Variants in TUSC3 observed in about 807,000 individuals in gnomAD.
The protein encoded by TUSC3 is dolichyl-diphosphooligosaccharide--protein glycosyltransferase subunit TUSC3.
A neutral mutation model predicts 44.8 loss-of-function variants in TUSC3; 45 were observed. That is an observed-to-expected ratio of 1.00 (90% CI 0.79 to 1.29). The LOEUF is 1.29. TUSC3 is among the 50% of genes most tolerant of loss of function. TUSC3 has a pLI of 0.00. For missense variants in TUSC3, 519 were observed against 437.9 expected (o/e 1.19, Z -1.65); for synonymous variants, 212 against 152.9 (o/e 1.39, Z -2.85).
intron 1 of TUSC3, among the ~76,000 whole-genome samples, chr8:15,547,680 G>C (rs999830802): frequency 4.1e-5 from 6 of 145,428 alleles, no homozygotes; most frequent in Non-Finnish European, 6.0e-5. Context: ...TGGGGCCTTT[G>C]GGAAGTGATA....
downstream of TUSC3, chr8:15,766,705 C>A (rs921566591): frequency 6.6e-6 from 1 of 152,094 alleles, no homozygotes; most frequent in Admixed American, 6.6e-5. Flanking sequence ...TTGTCAATTA[C>A]AATTCAGCAG....
At chr8:15,790,375 G>C in the TUSC3 span, among the ~76,000 whole-genome samples, 2 of 151,972 alleles carry the variant, frequency 1.3e-5, no homozygotes, top group South Asian at 2.1e-4. Flanking sequence ...AGTAGAGATA[G>C]GGTTTCACCA....
rs62504223 is a variant in TUSC3, at chr8:15,578,863, A to C, written c.138+38295A>C. 1.2e-4 allele frequency among the ~76,000 whole-genome samples: 18 copies of C among 151,680 alleles called. No homozygotes were observed. In the East Asian group the frequency reaches 1.6e-3, roughly 13 times the overall value. ...GTTAGGGAGGATTCCCTCTTTTTCT[A>C]TTGATTGGAATAGTTTCAGAAGGAA... On this transcript the variant is annotated intron_variant, in intron 1 of 10. Coordinates refer to ENST00000503731, the MANE Select transcript of TUSC3 (RefSeq NM_006765.4).
At chr8:15,528,543 G>T (rs1801407242) in intron 2 of TUSC3, among the ~76,000 whole-genome samples, 1 of 152,132 alleles carries the variant, frequency 6.6e-6, no homozygotes, top group Non-Finnish European at 1.5e-5. Flanking sequence ...ACTCATATCT[G>T]TCCAAGTTCA....
intron 1 of TUSC3, among the ~76,000 whole-genome samples, chr8:15,587,346 A>G (rs527977532): frequency 1.3e-5 from 2 of 152,300 alleles, no homozygotes; most frequent in East Asian, 3.9e-4. Flanking sequence ...TTAAGGCAGC[A>G]TTATAACATT....
At chr8:15,587,200 G>T (rs1803638466) in intron 1 of TUSC3, among the ~76,000 whole-genome samples, 1 of 152,140 alleles carries the variant, frequency 6.6e-6, no homozygotes, top group Admixed American at 6.5e-5. Context: ...ATATGGCACA[G>T]AACTGAAACT....
chr8:15,766,096 C>T lies in TUSC3; in HGVS notation c.*1940C>T, dbSNP rs1184823031. On this transcript the variant is annotated 3_prime_UTR_variant, in exon 11 of 11. Coordinates refer to ENST00000503731, the MANE Select transcript of TUSC3 (RefSeq NM_006765.4). ...ACTATACCATATTAGTAAAGGTTTTCTAGCTCTTATTTTCTAATTTCCTCT... is the reference window on the plus strand; with the variant it reads ...ACTATACCATATTAGTAAAGGTTTTTTAGCTCTTATTTTCTAATTTCCTCT... The T allele has an allele frequency of 7.1e-6, 1 of 140,108 alleles. No homozygotes were observed. Among genetic ancestry groups the T allele is most frequent in the Non-Finnish European group, 1.7e-5 (1 of 60,042 alleles). The allele number at this position is 140,108 out of a possible 1,614,324, so 8.7% of individuals were successfully genotyped here. A position where few individuals can be genotyped will look rare whatever the true frequency, so the allele number is the denominator to read the frequency against.
intron 9 of TUSC3, among the ~76,000 whole-genome samples, chr8:15,752,233 GGT>G (rs879717864): frequency 3.9e-5 from 6 of 151,938 alleles, no homozygotes; most frequent in Non-Finnish European, 8.8e-5. Flanking sequence ...AGGGGCTGAG[GGT>G]ATTTCATGAG....
chr8:15,502,914 A>G (rs1800987285), intron 2 of TUSC3, among the ~76,000 whole-genome samples: 1 of 152,174 alleles, frequency 6.6e-6, no homozygotes, highest in African/African-American at 2.4e-5. Context: ...TGTTTGACGA[A>G]GTCTTTATTC....
chr8:15,497,656 A>G (rs762188286), intron 2 of TUSC3, among the ~76,000 whole-genome samples: 2 of 152,162 alleles, frequency 1.3e-5, no homozygotes, highest in Non-Finnish European at 2.9e-5. Context: ...ATGAAGGAGG[A>G]CAGGTAGATT....
the TUSC3 span, among the ~76,000 whole-genome samples, chr8:15,823,621 G>C: frequency 6.6e-6 from 1 of 152,048 alleles, no homozygotes; most frequent in Non-Finnish European, 1.5e-5. Flanking sequence ...AAAATATCTA[G>C]AGTATAAAAT....
intron 1 of TUSC3, among the ~76,000 whole-genome samples, chr8:15,561,929 G>A (rs928824393): frequency 1.3e-4 from 20 of 152,150 alleles, no homozygotes; most frequent in African/African-American, 4.6e-4. Flanking sequence ...AGATGAACCC[G>A]GTACCTCAGA....
chr8:15,503,303 C>T lies in TUSC3; in HGVS notation n.189+19820C>T, dbSNP rs112871479. Among the ~76,000 whole-genome samples the T allele has an allele frequency of 1.3e-3, 198 of 152,246 alleles. 3 individuals are homozygous for T. Among genetic ancestry groups the T allele is most frequent in the African/African-American group, 4.6e-3 (192 of 41,544 alleles). On this transcript the variant is annotated intron_variant and non_coding_transcript_variant, in intron 2 of 5. Transcript: ENST00000503191. ...CCTCAGAAGAAACTAACCCTGCCGC[C>T]TCCTGTATCTTAGACTTGTAGGCTT...
chr8:15,717,768 A>G (rs1176524868), intron 6 of TUSC3, among the ~76,000 whole-genome samples: 1 of 152,090 alleles, frequency 6.6e-6, no homozygotes, highest in Non-Finnish European at 1.5e-5. Flanking sequence ...CAATTTTATT[A>G]ATTTGTGATC....
At chr8:15,524,582 G>A (rs948283434) in intron 2 of TUSC3, among the ~76,000 whole-genome samples, 14 of 152,284 alleles carry the variant, frequency 9.2e-5, no homozygotes, top group African/African-American at 3.1e-4. Context: ...GAGATTTAAA[G>A]TCTCAAAGAG....
At chr8:15,529,010 T>C (rs576438833) in intron 2 of TUSC3, among the ~76,000 whole-genome samples, 9 of 152,218 alleles carry the variant, frequency 5.9e-5, no homozygotes, top group Non-Finnish European at 1.3e-4. Context: ...TTTTATTTCT[T>C]AGCCCTACCA....
chr8:15,775,748 CTATATATATATA>C, the TUSC3 span, among the ~76,000 whole-genome samples: 343 of 138,884 alleles, frequency 2.5e-3, 3 homozygotes, highest in African/African-American at 8.4e-3. Context: ...ATATATTACA[CTATATATATATA>C]TATATATATA....
rs182133994 is a variant in TUSC3, at chr8:15,621,022, A to C, written c.139-2058A>C. On this transcript the variant is annotated intron_variant, in intron 1 of 10. Transcript: ENST00000503731. ...GTGAGTGTGTGTTGTGCATGTGTGT[A>C]ATGAGAAAAGCATAAAATACTGAGG... is the stretch of plus-strand genomic sequence containing the variant. 1.1e-4 allele frequency among the ~76,000 whole-genome samples: 17 copies of C among 151,980 alleles called. No homozygotes were observed. In the South Asian group the frequency reaches 1.9e-3, roughly 17 times the overall value.
At chr8:15,455,022 G>A (rs557274974) in intron 1 of TUSC3, among the ~76,000 whole-genome samples, 1 of 152,158 alleles carries the variant, frequency 6.6e-6, no homozygotes, top group African/African-American at 2.4e-5. Flanking sequence ...AGGGGTTGGA[G>A]GGTACAAGAT....
Sources: gnomAD v4.1 joint callset for allele counts (sites outside exome capture counted in the v4.1 genomes callset) on GRCh38, gnomAD v4.1.1 for gene constraint, MANE v1.5 for transcripts, NCBI Gene and HGNC (gene_info 2026-07-23, HGNC 2026-07-21) for gene names.